The following FGF7 variants were observed in gnomAD, a reference collection of about 807,000 sequenced individuals.
FGF7 encodes FGF-7.
A neutral mutation model predicts 20.5 loss-of-function variants in FGF7; 6 were observed. That is an observed-to-expected ratio of 0.29 (90% CI 0.16 to 0.58). The LOEUF is 0.58. FGF7 is among the 20% of genes least tolerant of loss of function. The probability of loss-of-function intolerance (pLI) is 0.90; values close to 1 mark genes in which losing one functional copy is unlikely to be tolerated. For synonymous variants in FGF7, 64 were observed against 74.7 expected, an observed-to-expected ratio of 0.86 and a Z score of 0.74; for missense variants, 144 against 228.8, an observed-to-expected ratio of 0.63 and a Z score of 2.39.
intron 2 of FGF7, among the ~76,000 whole-genome samples, chr15:49,475,112 C>T (rs1334276370): frequency 6.6e-6 from 1 of 152,008 alleles, no homozygotes; most frequent in Non-Finnish European, 1.5e-5. Flanking sequence ...AAAAATTGAT[C>T]AGTTTGATTA....
At chr15:49,429,635 G>A (rs2050419561) in intron 2 of FGF7, among the ~76,000 whole-genome samples, 1 of 151,790 alleles carries the variant, frequency 6.6e-6, no homozygotes, top group Non-Finnish European at 1.5e-5. Context: ...TCTCAACCTT[G>A]TCTAAATATT....
At chr15:49,430,909 A>AC (rs2050555610) in intron 2 of FGF7, among the ~76,000 whole-genome samples, 1 of 147,892 alleles carries the variant, frequency 6.8e-6, no homozygotes, top group African/African-American at 2.5e-5. Context: ...TCCAGATCAG[A>AC]GAAAAGACAT....
At chr15:49,459,510 C>T (rs895665926) in intron 2 of FGF7, among the ~76,000 whole-genome samples, 3 of 152,018 alleles carry the variant, frequency 2.0e-5, no homozygotes, top group Admixed American at 6.6e-5. Flanking sequence ...TGCATTTCAG[C>T]ATTGTGTTAA....
At chr15:49,473,041 C>T (rs2054922204) in intron 2 of FGF7, among the ~76,000 whole-genome samples, 1 of 152,112 alleles carries the variant, frequency 6.6e-6, no homozygotes, top group Admixed American at 6.5e-5. Flanking sequence ...ACTCATGTTT[C>T]CAAAGGTACT....
At chr15:49,480,890 C>A (rs1301949795) in intron 2 of FGF7, among the ~76,000 whole-genome samples, 1 of 151,836 alleles carries the variant, frequency 6.6e-6, no homozygotes, top group African/African-American at 2.4e-5. Context: ...ATGACTGGAC[C>A]AAAAAGGGAA....
At chr15:49,478,977 G>A (rs985050182) in intron 2 of FGF7, among the ~76,000 whole-genome samples, 4 of 152,108 alleles carry the variant, frequency 2.6e-5, no homozygotes, top group African/African-American at 9.7e-5. Flanking sequence ...AAAAGTAATT[G>A]CAATTTAGAT....
At chr15:49,473,186 GGAATTTAGAAAGATGA>G (rs2054936974) in intron 2 of FGF7, among the ~76,000 whole-genome samples, 1 of 152,042 alleles carries the variant, frequency 6.6e-6, no homozygotes, top group Admixed American at 6.6e-5. Flanking sequence ...ATGAATGCCA[GGAATTTAGAAAGATGA>G]GACAGATTTA....
chr15:49,461,178 T>A (rs1053814329), intron 2 of FGF7, among the ~76,000 whole-genome samples: 1 of 152,194 alleles, frequency 6.6e-6, no homozygotes, highest in Non-Finnish European at 1.5e-5. Flanking sequence ...TAGTGACAGA[T>A]CTTTTCTCTT....
At chr15:49,432,165 T>C (rs1025829824) in intron 2 of FGF7, among the ~76,000 whole-genome samples, 16 of 151,706 alleles carry the variant, frequency 1.1e-4, no homozygotes, top group Non-Finnish European at 2.1e-4. Context: ...TCCCATTTTA[T>C]CTGGCTACTT....
Position 49,488,027 on chromosome 15 carries a change from G to A in FGF7, c.*3523G>A, listed in dbSNP as rs552196993. 6.6e-6 allele frequency: 1 copy of A among 152,052 alleles called. No individual in the cohort carries two copies. Among genetic ancestry groups the A allele is most frequent in the African/African-American group, 2.4e-5 (1 of 41,532 alleles). 9.4% of individuals were successfully genotyped at this position (152,052 alleles called of 1,614,324 possible). A position where few individuals can be genotyped will look rare whatever the true frequency, so the allele number is the denominator to read the frequency against. Reference sequence around the variant, plus strand: ...GAACTCAAATTCACCACGCATAGGAGTGATAACAAAAATATTTAACAGTCA... The same window carrying A: ...GAACTCAAATTCACCACGCATAGGAATGATAACAAAAATATTTAACAGTCA... On this transcript the variant is annotated 3_prime_UTR_variant, in exon 4 of 4. Transcript: ENST00000267843.
At chr15:49,459,843 A>G (rs1009545739) in intron 2 of FGF7, among the ~76,000 whole-genome samples, 11 of 151,978 alleles carry the variant, frequency 7.2e-5, no homozygotes, top group Admixed American at 4.6e-4. Context: ...TCCCAATACC[A>G]TGTTGGTATC....
intron 2 of FGF7, among the ~76,000 whole-genome samples, chr15:49,442,695 GA>G (rs1333458048): frequency 1.3e-5 from 2 of 151,674 alleles, no homozygotes; most frequent in Non-Finnish European, 3.0e-5. Flanking sequence ...GCAGGTAAAG[GA>G]AATCTACTAG....
intron 2 of FGF7, among the ~76,000 whole-genome samples, chr15:49,464,130 G>T (rs1280997271): frequency 6.6e-6 from 1 of 152,076 alleles, no homozygotes; most frequent in Non-Finnish European, 1.5e-5. Context: ...ATGAAGGATG[G>T]GTTAGGCAGG....
At chr15:49,433,850 T>C (rs1189361826) in intron 2 of FGF7, among the ~76,000 whole-genome samples, 1 of 151,802 alleles carries the variant, frequency 6.6e-6, no homozygotes, top group African/African-American at 2.4e-5. Context: ...AAAACAGTAA[T>C]TCATAGTTGA....
intron 2 of FGF7, among the ~76,000 whole-genome samples, chr15:49,457,580 T>C (rs2053425970): frequency 1.3e-5 from 2 of 151,990 alleles, no homozygotes; most frequent in East Asian, 3.9e-4. Context: ...TCTACTTCCA[T>C]TTCTCAAGAG....
chr15:49,424,348 A>G lies in FGF7; in HGVS notation c.51A>G (p.Ser17=). The G allele has an allele frequency of 6.2e-7, 1 of 1,613,620 alleles. No individual in the cohort carries two copies. Among genetic ancestry groups the G allele is most frequent in the South Asian group, 1.1e-5 (1 of 91,066 alleles). ...TWILPTLLYR[S]CFHIICLVGT... is the part of the protein sequence containing the mutation. The stretch of plus-strand genomic sequence containing the variant: ...TCCTGCCAACTTTGCTCTACAGATC[A>G]TGCTTTCACATTATCTGTCTAGTGG... Residue 17 remains serine, a synonymous_variant, in exon 2 of 4, where the codon TCA becomes TCG. Transcript: ENST00000267843.
intron 2 of FGF7, among the ~76,000 whole-genome samples, chr15:49,431,959 T>A (rs187610754): frequency 6.6e-6 from 1 of 151,804 alleles, no homozygotes; most frequent in Admixed American, 6.6e-5. Flanking sequence ...GGGGTTGAAA[T>A]GATAATAAAT....
chr15:49,446,062 T>C (rs1165244720), intron 2 of FGF7, among the ~76,000 whole-genome samples: 3 of 151,606 alleles, frequency 2.0e-5, no homozygotes, highest in African/African-American at 7.2e-5. Context: ...GGTGTATTTC[T>C]AAATAACAAT....
At chr15:49,428,564 A>G (rs2050321335) in intron 2 of FGF7, among the ~76,000 whole-genome samples, 1 of 151,960 alleles carries the variant, frequency 6.6e-6, no homozygotes, top group South Asian at 2.1e-4. Context: ...CAGAAATAAC[A>G]CTGCTCTTTA....
Sources: allele counts gnomAD v4.1 joint callset (sites outside exome capture counted in the v4.1 genomes callset), GRCh38; gene constraint gnomAD v4.1.1; transcripts MANE v1.5; gene names NCBI Gene and HGNC (gene_info 2026-07-23, HGNC 2026-07-21).